The following AZIN2 variants were observed in gnomAD, a reference collection of about 807,000 sequenced individuals.
AZIN2 encodes antizyme inhibitor 2, also known as ODC antizyme inhibitor-2.
In AZIN2, 28 loss-of-function variants were observed where a neutral mutation model predicts 47.8. That is an observed-to-expected ratio of 0.59 (90% confidence interval 0.43 to 0.80). The LOEUF is 0.80. Among genes scored for constraint, AZIN2 ranks in the 30% least tolerant of loss-of-function variants. The pLI is 0.00. For missense variants in AZIN2, 535 were observed against 582.5 expected (o/e 0.92, Z 0.84); for synonymous variants, 221 against 239.4 (o/e 0.92, Z 0.71).
At chr1:33,131,015 G>A in the AZIN2 span, among the ~76,000 whole-genome samples, 2 of 152,212 alleles carry the variant, frequency 1.3e-5, no homozygotes, top group Non-Finnish European at 2.9e-5. Context: ...CCAGCATGCA[G>A]GTCACTGGGG....
Position 33,117,962 on chromosome 1 carries a change from T to C in AZIN2, c.1090T>C (p.Cys364Arg). 1 of 1,613,192 alleles carries C rather than the reference T, an allele frequency of 6.2e-7. No individual in the cohort carries two copies. The highest frequency in any genetic ancestry group is 8.5e-7 in the Non-Finnish European group (1 of 1,179,514). ...SSLWGPAVDG[C>R]DCVAEGLWLP... Reference sequence around the variant, plus strand: ...CCTGTGGGGCCCGGCGGTTGATGGCTGTGATTGCGTGGCTGAGGGCCTGTG... The same window carrying C: ...CCTGTGGGGCCCGGCGGTTGATGGCCGTGATTGCGTGGCTGAGGGCCTGTG... The change falls in exon 11 of 12, where the codon TGT becomes CGT. Residue 364 changes from cysteine (C) to arginine (R), a missense_variant. Transcript: ENST00000294517.
chr1:33,105,037 G>A (rs1033090153), intron 10 of AZIN2, among the ~76,000 whole-genome samples: 17 of 152,114 alleles, frequency 1.1e-4, no homozygotes, highest in African/African-American at 4.1e-4. Flanking sequence ...TAAGCAAGAC[G>A]TTTCGTTTAC....
the AZIN2 span, chr1:33,143,217 G>C: frequency 6.6e-6 from 1 of 152,188 alleles, no homozygotes; most frequent in Non-Finnish European, 1.5e-5. Context: ...GGAGTCCCCA[G>C]TTGATAATGC....
At position 33,114,683 on chromosome 1, in the gene AZIN2, T is replaced by A. The variant is rs547232305; in HGVS notation, c.1030-3219T>A. ...TTTTTTTTTTTTTTTTGAGATGGAG[T>A]TTTGCTCTTGTCACCCAGGCTGGAG... is the stretch of plus-strand genomic sequence containing the variant. On this transcript the variant is annotated intron_variant, in intron 10 of 11. Coordinates refer to ENST00000294517, the MANE Select transcript of AZIN2 (RefSeq NM_052998.4). 2.9e-3 allele frequency among the ~76,000 whole-genome samples: 306 copies of A among 104,226 alleles called. 1 individual carries two copies. Among genetic ancestry groups the A allele is most frequent in the Middle Eastern group, 0.014 (2 of 142 alleles). 68.4% of individuals were successfully genotyped at this position (104,226 alleles called of 152,430 possible).
chr1:33,096,785 C>A lies in AZIN2; in HGVS notation c.832C>A (p.Arg278Ser). The change falls in exon 9 of 12, where the codon CGC becomes AGC. Residue 278 changes from arginine (R) to serine (S), a missense_variant. Around this residue, in one of 3 missense-constraint regions of AZIN2, gnomAD observed 409 missense variants for 429.0 expected, o/e 0.95. Coordinates refer to ENST00000294517, the MANE Select transcript of AZIN2 (RefSeq NM_052998.4). ...CGVDIFAELGRYYVTSAFTVA... is the reference protein window; with the variant it reads ...CGVDIFAELGSYYVTSAFTVA... ...CGTGGACATCTTTGCTGAGCTGGGG[C>A]GCTACTACGTGACCTCGGCCTTCAC... 2 of 1,614,210 alleles carry A rather than the reference C, an allele frequency of 1.2e-6. No homozygotes were observed. The highest frequency in any genetic ancestry group is 1.7e-6 in the Non-Finnish European group (2 of 1,180,040).
chr1:33,095,250 T>TA (rs1310267175), intron 8 of AZIN2, among the ~76,000 whole-genome samples: 1 of 152,208 alleles, frequency 6.6e-6, no homozygotes, highest in Non-Finnish European at 1.5e-5. Context: ...GAATTGACCT[T>TA]ACAGAAATGA....
chr1:33,152,317 GCACTTTGGGAGGCCGAGGCAGGCGGAT>G, the AZIN2 span, among the ~76,000 whole-genome samples: 9 of 152,234 alleles, frequency 5.9e-5, no homozygotes, highest in African/African-American at 2.2e-4. Context: ...CGTAATTCCA[GCACTTTGGGAGGCCGAGGCAGGCGGAT>G]CACCTGAGGT....
At chr1:33,136,975 C>CTGGACTCA in the AZIN2 span, among the ~76,000 whole-genome samples, 10 of 149,212 alleles carry the variant, frequency 6.7e-5, no homozygotes, top group African/African-American at 2.5e-4. Flanking sequence ...CCAGCCTGGG[C>CTGGACTCA]GACAGAGCAA....
chr1:33,108,342 C>CTTTTTTTTTTT lies in AZIN2; in HGVS notation c.1030-9552_1030-9542dup, dbSNP rs34834263. Among the ~76,000 whole-genome samples the CTTTTTTTTTTT allele has an allele frequency of 2.1e-3, 286 of 134,700 alleles. 1 individual carries two copies. The highest frequency in any genetic ancestry group is 7.6e-3 in the African/African-American group (273 of 35,970). 88.4% of individuals were successfully genotyped at this position (134,700 alleles called of 152,430 possible). On this transcript the variant is annotated intron_variant, in intron 10 of 11. Coordinates refer to ENST00000294517, the MANE Select transcript of AZIN2 (RefSeq NM_052998.4). ...AATGGATTAAAGACTTTCAGATTGA[C>CTTTTTTTTTTT]TTTTTTTTTTTTTTTTTTGAGACAG...
At chr1:33,097,416 C>T (rs115512016) in intron 9 of AZIN2, among the ~76,000 whole-genome samples, 134 of 152,294 alleles carry the variant, frequency 8.8e-4, no homozygotes, top group Middle Eastern at 3.4e-3. Context: ...GCTGACTCAG[C>T]GCTTCTGGGC....
chr1:33,127,381 AG>A (rs1328417001), downstream of AZIN2, among the ~76,000 whole-genome samples: 3 of 152,338 alleles, frequency 2.0e-5, no homozygotes, highest in East Asian at 5.8e-4. Context: ...GGCTGGGAGG[AG>A]GGACCGACTT....
At chr1:33,101,770 G>T in intron 10 of AZIN2, 4 of 725,036 alleles carry the variant, frequency 5.5e-6, no homozygotes, top group Admixed American at 4.1e-5. Context: ...TTGTTTTTTT[G>T]CTTTATAAAA....
the AZIN2 span, chr1:33,159,550 G>T: frequency 1.6e-6 from 2 of 1,279,592 alleles, no homozygotes; most frequent in Non-Finnish European, 1.0e-6. This position sits in a 1 kb window ranked among gnomAD's most constrained non-coding sequence, Gnocchi z 4.2. Flanking sequence ...ACCCATAGCA[G>T]ATGTCCCGTA....
chr1:33,083,718 C>T, intron 4 of AZIN2: 1 of 564,494 alleles, frequency 1.8e-6, no homozygotes, highest in Non-Finnish European at 3.2e-6. Context: ...ATCCAGCCTA[C>T]AGCTGGAGTT....
At chr1:33,088,484 A>C (rs1270828438) in intron 5 of AZIN2, among the ~76,000 whole-genome samples, 1 of 152,196 alleles carries the variant, frequency 6.6e-6, no homozygotes, top group Non-Finnish European at 1.5e-5. Context: ...AGCCAGATAG[A>C]CATGTAGACC....
chr1:33,134,512 C>CT, the AZIN2 span, among the ~76,000 whole-genome samples: 15 of 152,176 alleles, frequency 9.9e-5, no homozygotes, highest in Non-Finnish European at 1.9e-4. Flanking sequence ...AAGGACTATC[C>CT]TATGGAAAGG....
chr1:33,084,180 A>C, intron 5 of AZIN2, 53 bp downstream of exon 5: 2 of 1,592,472 alleles, frequency 1.3e-6, no homozygotes, highest in South Asian at 1.1e-5. Flanking sequence ...GAACACACAC[A>C]TGGCCAGGCT....
In AZIN2 at chr1:33,081,808, TCTA is replaced by T; in HGVS notation, c.-76_-74del. 3.7e-6 allele frequency: 1 copy of T among 266,732 alleles called. No homozygotes were observed. The highest frequency in any genetic ancestry group is 7.4e-6 in the Non-Finnish European group (1 of 135,968). The allele number at this position is 266,732 out of a possible 1,614,324, so 16.5% of individuals were successfully genotyped here. ...GCCTTGATGTGGCCACCGGCTACCC[TCTA>T]GGTGGGCGTGGTCAAGACTGGGGGC... On this transcript the variant is annotated splice_region_variant and 5_prime_UTR_variant, in exon 3 of 12. It removes the in-frame stop codon of an upstream open reading frame in the 5' UTR. Transcript: ENST00000294517. The surrounding 1 kb of genome is among the most constrained non-coding windows in gnomAD (Gnocchi z 4.2).
In AZIN2 at chr1:33,120,041, T is replaced by C; in HGVS notation, c.1245-3T>C. The stretch of plus-strand genomic sequence containing the variant: ...ACTTGCAGCACCCCTCTCTCACCCC[T>C]AGGGAAGCGCTGCGAAGGCAGCTGA... On this transcript the variant is annotated splice_region_variant and splice_polypyrimidine_tract_variant and intron_variant, in intron 11 of 11. Coordinates refer to ENST00000294517, the MANE Select transcript of AZIN2 (RefSeq NM_052998.4). 4 of 1,613,620 alleles carry C rather than the reference T, an allele frequency of 2.5e-6. No homozygotes were observed. The highest frequency in any genetic ancestry group is 3.4e-6 in the Non-Finnish European group (4 of 1,179,904).
Sources: allele counts gnomAD v4.1 joint callset (sites outside exome capture counted in the v4.1 genomes callset), GRCh38; gene constraint gnomAD v4.1.1; regional missense constraint gnomAD v4.1.1; non-coding constraint Gnocchi (gnomAD v3.1); transcripts MANE v1.5; gene names NCBI Gene and HGNC (gene_info 2026-07-23, HGNC 2026-07-21).